The following ASAP2 variants were observed in gnomAD, a reference collection of about 807,000 sequenced individuals.
ASAP2 encodes ArfGAP with SH3 domain, ankyrin repeat and PH domain 2, also known as arf-GAP with SH3 domain, ANK repeat and PH domain-containing protein 2.
Under a neutral mutation model 131.4 loss-of-function variants are expected in ASAP2, and 45 were observed. The observed-to-expected ratio is 0.34, with a 90% CI of 0.27 to 0.44. ASAP2 has a LOEUF of 0.44. Ranked by LOEUF, ASAP2 falls within the 20% of genes least tolerant of loss-of-function variation. The pLI is 1.00. For missense variants in ASAP2, 1,011 were observed against 1,297.0 expected (o/e 0.78, Z 3.39); for synonymous variants, 510 against 503.0 (o/e 1.01, Z -0.19).
intron 1 of ASAP2, among the ~76,000 whole-genome samples, chr2:9,250,890 G>T (rs1664655107): frequency 6.6e-6 from 1 of 152,238 alleles, no homozygotes; most frequent in African/African-American, 2.4e-5. Context: ...AAATAGACAA[G>T]ACTCGGGGCT....
intron 2 of ASAP2, among the ~76,000 whole-genome samples, chr2:9,286,867 T>C (rs190038096): frequency 1.9e-3 from 296 of 152,278 alleles, no homozygotes; most frequent in African/African-American, 6.5e-3. Flanking sequence ...AGATGATAAA[T>C]GATGATAAAG....
rs541861551 is a variant in ASAP2, at chr2:9,392,392, G to A, written c.2519-1090G>A. ...TCCAGAGCATGAGAATTCTAGAGCC[G>A]AGGTGCTCGTGACTTCCTTAGAGTA... On this transcript the variant is annotated intron_variant, in intron 23 of 27. Transcript: ENST00000281419. This position sits in a 1 kb window ranked among gnomAD's most constrained non-coding sequence, Gnocchi z 4.0. Among the ~76,000 whole-genome samples, 162 of 152,296 alleles carry A rather than the reference G, an allele frequency of 1.1e-3. No individual in the cohort carries two copies. Among genetic ancestry groups the A allele is most frequent in the African/African-American group, 3.7e-3 (152 of 41,560 alleles).
intron 1 of ASAP2, among the ~76,000 whole-genome samples, chr2:9,254,254 T>TATATATATATACACACACAC (rs1553297027): frequency 7.5e-4 from 49 of 65,696 alleles, no homozygotes; most frequent in Non-Finnish European, 1.1e-3. Flanking sequence ...TATATATATA[T>TATATATATATACACACACAC]ACACGTGTGT....
chr2:9,272,641 T>C (rs1378099950), intron 1 of ASAP2, among the ~76,000 whole-genome samples: 4 of 152,208 alleles, frequency 2.6e-5, no homozygotes, highest in Non-Finnish European at 5.9e-5. Flanking sequence ...CCCAGACCAG[T>C]GTCCTGCAGT....
chr2:9,306,679 C>G (rs1015538079), intron 3 of ASAP2, among the ~76,000 whole-genome samples: 1 of 152,008 alleles, frequency 6.6e-6, no homozygotes, highest in African/African-American at 2.4e-5. Flanking sequence ...AGCCTCTGCT[C>G]CTGGCTCGCT....
intron 1 of ASAP2, among the ~76,000 whole-genome samples, chr2:9,252,378 C>G (rs947193112): frequency 6.6e-6 from 1 of 151,518 alleles, no homozygotes; most frequent in Non-Finnish European, 1.5e-5. Context: ...GCCAGGAGTT[C>G]AAGACCAGGC....
intron 1 of ASAP2, among the ~76,000 whole-genome samples, chr2:9,263,394 CGTGTTTGTGCTGCTGCTGTGCAGTG>C (rs1665714841): frequency 6.6e-6 from 1 of 152,194 alleles, no homozygotes; most frequent in African/African-American, 2.4e-5. Flanking sequence ...CCCACGCTGC[CGTGTTTGTGCTGCTGCTGTGCAGTG>C]GTGATCTTGC....
At chr2:9,231,071 A>G (rs1485906956) in intron 1 of ASAP2, among the ~76,000 whole-genome samples, 5 of 152,132 alleles carry the variant, frequency 3.3e-5, no homozygotes, top group Non-Finnish European at 5.9e-5. Context: ...CACTTTCCCC[A>G]GGCCACTTCC....
chr2:9,278,527 AAG>A (rs1225632281), intron 1 of ASAP2, among the ~76,000 whole-genome samples: 1 of 147,418 alleles, frequency 6.8e-6, no homozygotes, highest in African/African-American at 2.5e-5. Context: ...AAAAAAAAAA[AAG>A]AAAAAGAACA....
At chr2:9,229,607 A>G (rs1363227559) in intron 1 of ASAP2, among the ~76,000 whole-genome samples, 1 of 152,198 alleles carries the variant, frequency 6.6e-6, no homozygotes. Context: ...CCTGAATCTC[A>G]GTCGAGCCTG....
chr2:9,346,710 T>C (rs910943272), intron 11 of ASAP2, among the ~76,000 whole-genome samples: 1 of 152,246 alleles, frequency 6.6e-6, no homozygotes, highest in African/African-American at 2.4e-5. Context: ...TTCATGCTTT[T>C]ACAGCTCTGA....
Position 9,379,024 on chromosome 2 carries a change from A to G in ASAP2, c.1913A>G (p.Lys638Arg). ...CTGACCGACAATGCCGAGTGCCTCA[A>G]GTTGCTCCTGCGGGGGAAGGCCTCC... is the stretch of plus-strand genomic sequence containing the variant. ...CCLTDNAECL[K>R]LLLRGKASIE... Residue 638 changes from lysine to arginine, a missense_variant, in exon 19 of 28, where the codon AAG (lysine) becomes AGG (arginine). Physicochemically the swap from Lys to Arg is conservative, Grantham distance 26. Around this residue, in one of 2 missense-constraint regions of ASAP2, gnomAD observed 652 missense variants for 698.9 expected, o/e 0.93. Coordinates refer to ENST00000281419, the MANE Select transcript of ASAP2 (RefSeq NM_003887.3). 2 of 1,577,246 alleles carry G rather than the reference A, an allele frequency of 1.3e-6. No homozygotes were observed. The highest frequency in any genetic ancestry group is 4.8e-5 in the East Asian group (2 of 41,478).
chr2:9,278,754 G>C (rs192431240), intron 1 of ASAP2, among the ~76,000 whole-genome samples: 17 of 152,274 alleles, frequency 1.1e-4, no homozygotes, highest in African/African-American at 3.4e-4. Flanking sequence ...CTGCAAAGTG[G>C]GTATTGTTCC....
intron 1 of ASAP2, among the ~76,000 whole-genome samples, chr2:9,274,107 T>C (rs1473820103): frequency 6.6e-6 from 1 of 152,198 alleles, no homozygotes; most frequent in Non-Finnish European, 1.5e-5. Context: ...TTATAATTTT[T>C]GCAAAGGTAG....
chr2:9,374,704 C>T (rs775065516), intron 16 of ASAP2, 51 bp from the exon 17 acceptor site: 84 of 1,512,480 alleles, frequency 5.6e-5, no homozygotes, highest in Non-Finnish European at 7.2e-5. Flanking sequence ...GGAGGCCGGA[C>T]GGCGGGTAGA....
chr2:9,218,656 G>A, intron 1 of ASAP2, among the ~76,000 whole-genome samples: 1 of 152,184 alleles, frequency 6.6e-6, no homozygotes, highest in Non-Finnish European at 1.5e-5. Flanking sequence ...TGGAGCAGGT[G>A]ACTTCACTGG....
intron 9 of ASAP2, among the ~76,000 whole-genome samples, chr2:9,339,071 C>T (rs529891147): frequency 9.2e-4 from 140 of 152,222 alleles, no homozygotes; most frequent in Admixed American, 1.3e-3. Flanking sequence ...CCCAGCTACC[C>T]GGGAGGCTGA....
chr2:9,377,047 G>A (rs1264733944), intron 18 of ASAP2, 54 bp downstream of exon 18: 1 of 1,481,232 alleles, frequency 6.8e-7, no homozygotes, highest in Non-Finnish European at 9.4e-7. Context: ...TATTTCTGGG[G>A]AAGGAATCGG....
chr2:9,271,658 T>C (rs2148265050), intron 1 of ASAP2: 1 of 795,982 alleles, frequency 1.3e-6, no homozygotes, highest in South Asian at 2.5e-5. Flanking sequence ...TCGGTGGAAA[T>C]GGTCTGCGGA....
Sources: gnomAD v4.1 joint callset for allele counts (sites outside exome capture counted in the v4.1 genomes callset) on GRCh38, gnomAD v4.1.1 for gene constraint, gnomAD v4.1.1 regional missense constraint, Gnocchi (gnomAD v3.1) non-coding constraint, MANE v1.5 for transcripts, NCBI Gene and HGNC (gene_info 2026-07-23, HGNC 2026-07-21) for gene names.